ANO1: variants seen among roughly 807,000 people sequenced by gnomAD.
ANO1 encodes anoctamin-1.
A neutral mutation model predicts 124.0 loss-of-function variants in ANO1; 59 were observed. That is an observed-to-expected ratio of 0.48 (90% CI 0.39 to 0.59). The LOEUF (loss-of-function observed/expected upper bound fraction) is 0.59. Ranked by LOEUF, ANO1 falls within the 20% of genes least tolerant of loss-of-function variation. ANO1 has a pLI of 0.00. For synonymous variants in ANO1, 529 were observed against 532.0 expected, an observed-to-expected ratio of 0.99 and a Z score of 0.08; for missense variants, 1,059 against 1,328.0, an observed-to-expected ratio of 0.80 and a Z score of 3.15.
At chr11:70,173,133 G>T (rs887414749) in intron 22 of ANO1, among the ~76,000 whole-genome samples, 4 of 152,106 alleles carry the variant, frequency 2.6e-5, no homozygotes, top group Non-Finnish European at 5.9e-5. Context: ...TCTTACGCTT[G>T]GCTGTCTTGT....
At chr11:70,085,290 C>T in intron 1 of ANO1, 1 of 1,212,538 alleles carries the variant, frequency 8.2e-7, no homozygotes, top group Middle Eastern at 2.9e-4. Flanking sequence ...GAACCCACTG[C>T]CCTCAAAAGC....
At chr11:69,983,532 A>G (rs1265141903), upstream of ANO1, among the ~76,000 whole-genome samples, 1 of 152,192 alleles carries the variant, frequency 6.6e-6, no homozygotes, top group Non-Finnish European at 1.5e-5. Flanking sequence ...CCTCAGCTTC[A>G]GAGGGTCTGC....
chr11:70,014,517 T>C (rs1017871029), intron 1 of ANO1, among the ~76,000 whole-genome samples: 2 of 152,132 alleles, frequency 1.3e-5, no homozygotes, highest in Non-Finnish European at 1.5e-5. Context: ...CTCTTGCACT[T>C]GGGAGTCCAC....
At chr11:70,073,212 C>T (rs1269528038) in intron 1 of ANO1, among the ~76,000 whole-genome samples, 1 of 149,980 alleles carries the variant, frequency 6.7e-6, no homozygotes, top group South Asian at 2.1e-4. Context: ...GCGGGGAGTC[C>T]GACCCTGTCC....
chr11:70,183,007 G>A (rs1034116409), intron 24 of ANO1, among the ~76,000 whole-genome samples: 15 of 152,146 alleles, frequency 9.9e-5, no homozygotes, highest in African/African-American at 3.4e-4. Flanking sequence ...TACTCGGGAG[G>A]CTGAGGTGGG....
Position 70,164,180 on chromosome 11 carries a change from G to A in ANO1, c.1950+840G>A, listed in dbSNP as rs765745192. Among the ~76,000 whole-genome samples, 57 of 152,300 alleles carry A rather than the reference G, an allele frequency of 3.7e-4. 1 individual carries two copies. Among genetic ancestry groups the A allele is most frequent in the Admixed American group, 2.0e-4 (3 of 15,298 alleles). On this transcript the variant is annotated intron_variant, in intron 19 of 25. Coordinates refer to ENST00000355303, the MANE Select transcript of ANO1 (RefSeq NM_018043.7). ...ACCAGGGGCTCCATCAGACCAAGCC[G>A]GGGCTTCAGAGCCTATCAGTGGTTC...
At chr11:70,186,241 C>T (rs1422750876) in intron 25 of ANO1, among the ~76,000 whole-genome samples, 4 of 151,636 alleles carry the variant, frequency 2.6e-5, no homozygotes, top group Admixed American at 1.3e-4. Flanking sequence ...GAGCCGAGAT[C>T]GTGCCACTAC....
intron 22 of ANO1, among the ~76,000 whole-genome samples, chr11:70,172,564 A>G (rs2048519404): frequency 2.6e-5 from 4 of 152,260 alleles, no homozygotes; most frequent in Admixed American, 2.6e-4. Flanking sequence ...GGCCAAACAT[A>G]ATCTTAAGAA....
intron 1 of ANO1, among the ~76,000 whole-genome samples, chr11:70,030,278 G>A (rs1856978589): frequency 2.6e-5 from 4 of 152,256 alleles, no homozygotes. Flanking sequence ...AGCCAGGGCT[G>A]CTGATGTGGC....
intron 1 of ANO1, among the ~76,000 whole-genome samples, chr11:70,006,538 C>G (rs1856486428): frequency 1.1e-5 from 1 of 92,994 alleles, no homozygotes; most frequent in African/African-American, 3.3e-5. Flanking sequence ...GTATTTCACT[C>G]TTTCTTTCTT....
Position 70,153,041 on chromosome 11 carries a change from T to A in ANO1, c.1354-16T>A. The A allele has an allele frequency of 6.3e-7, 1 of 1,596,476 alleles. No individual in the cohort carries two copies. Among genetic ancestry groups the A allele is most frequent in the Non-Finnish European group, 8.5e-7 (1 of 1,171,232 alleles). Reference sequence around the variant, plus strand: ...AAATTAACAAGGACTCTGTCTTGACTTGGTTTCATTCACAGGATCATCCTA... The same window carrying A: ...AAATTAACAAGGACTCTGTCTTGACATGGTTTCATTCACAGGATCATCCTA... On this transcript the variant is annotated splice_polypyrimidine_tract_variant and intron_variant, in intron 13 of 25. Coordinates refer to ENST00000355303, the MANE Select transcript of ANO1 (RefSeq NM_018043.7).
Position 70,187,721 on chromosome 11 carries a change from G to A in ANO1, c.2695-17G>A, listed in dbSNP as rs538787015. 3.8e-5 allele frequency: 61 copies of A among 1,599,560 alleles called. No homozygotes were observed. In the East Asian group the frequency reaches 5.2e-4, roughly 14 times the overall value. On this transcript the variant is annotated splice_polypyrimidine_tract_variant and intron_variant, in intron 25 of 25. Coordinates refer to ENST00000355303, the MANE Select transcript of ANO1 (RefSeq NM_018043.7). ...GGCGCCATCCTCCCTTCTGCCACGC[G>A]TTGCCTCTCCTTCCAGAACCTGGTC...
At chr11:70,007,920 G>T (rs59570455) in intron 1 of ANO1, among the ~76,000 whole-genome samples, 1 of 152,062 alleles carries the variant, frequency 6.6e-6, no homozygotes, top group Admixed American at 6.5e-5. Flanking sequence ...TTTATGCTTC[G>T]GGTTATTATT....
In ANO1 at chr11:70,021,464, G is replaced by A. The variant is rs1591039472; in HGVS notation, c.58+35298G>A. Among the ~76,000 whole-genome samples, 2 of 138,462 alleles carry A rather than the reference G, an allele frequency of 1.4e-5. 1 individual carries two copies. Among genetic ancestry groups the A allele is most frequent in the South Asian group, 5.0e-4 (2 of 4,024 alleles). The allele number at this position is 138,462 out of a possible 152,430, so 90.8% of individuals were successfully genotyped here. ...TTTTAGAATAAGGAGAGTGCTTTTTGTTGTTGTTGTTTCTTTTTTTTTTTT... is the reference window on the plus strand; with the variant it reads ...TTTTAGAATAAGGAGAGTGCTTTTTATTGTTGTTGTTTCTTTTTTTTTTTT... On this transcript the variant is annotated intron_variant, in intron 1 of 27. Transcript: ENST00000531349.
chr11:70,018,436 G>A (rs1282906908), intron 1 of ANO1: 2 of 152,196 alleles, frequency 1.3e-5, no homozygotes, highest in Non-Finnish European at 2.9e-5. Context: ...GTGGGCAGGT[G>A]GGCTGTGAGC....
intron 1 of ANO1, among the ~76,000 whole-genome samples, chr11:70,085,177 T>C (rs1232546621): frequency 1.3e-5 from 2 of 152,172 alleles, no homozygotes; most frequent in African/African-American, 4.8e-5. Context: ...GAATAGCTCT[T>C]TCGTGCTTCT....
intron 1 of ANO1, among the ~76,000 whole-genome samples, chr11:70,043,586 A>C (rs1232231205): frequency 6.6e-6 from 1 of 152,204 alleles, no homozygotes; most frequent in Admixed American, 6.5e-5. Flanking sequence ...AGTCAGAGAA[A>C]AAGGACATAT....
intron 1 of ANO1, among the ~76,000 whole-genome samples, chr11:70,063,392 G>A (rs968108964): frequency 6.6e-6 from 1 of 152,202 alleles, no homozygotes; most frequent in East Asian, 1.9e-4. Context: ...CTGGAGACCA[G>A]TGACCCTTCG....
intron 11 of ANO1, among the ~76,000 whole-genome samples, chr11:70,140,531 C>CTT (rs2047114294): frequency 6.8e-6 from 1 of 147,364 alleles, no homozygotes; most frequent in Non-Finnish European, 1.5e-5. Flanking sequence ...GACTCTGTCT[C>CTT]AAGGAAAAAA....
Sources: allele counts gnomAD v4.1 joint callset (sites outside exome capture counted in the v4.1 genomes callset), GRCh38; gene constraint gnomAD v4.1.1; transcripts MANE v1.5; gene names NCBI Gene and HGNC (gene_info 2026-07-23, HGNC 2026-07-21).